The following CHD7 variants were observed in gnomAD, a reference collection of about 807,000 sequenced individuals.
CHD7 encodes the protein chromodomain helicase DNA binding protein 7.
CHD7 carries 24 observed loss-of-function variants against 307.3 expected under a neutral mutation model. The ratio of observed to expected loss-of-function variants is 0.08; its 90% confidence interval spans 0.06 to 0.11. The LOEUF (loss-of-function observed/expected upper bound fraction) is 0.11, where lower values mean the gene tolerates loss of function less well. Ranked by LOEUF, CHD7 falls within the 10% of genes least tolerant of loss-of-function variation. CHD7 has a pLI of 1.00. For missense variants in CHD7, 3,106 were observed against 3,727.1 expected (o/e 0.83, Z 4.34); for synonymous variants, 1,363 against 1,349.9 (o/e 1.01, Z -0.21).
chr8:60,757,828 CT>C (rs1439302942), intron 2 of CHD7, among the ~76,000 whole-genome samples: 5 of 152,200 alleles, frequency 3.3e-5, no homozygotes, highest in African/African-American at 1.2e-4. Flanking sequence ...AACACTTAAC[CT>C]TCCTGCTACT....
At chr8:60,756,945 G>A (rs1809926524) in intron 2 of CHD7, among the ~76,000 whole-genome samples, 1 of 152,036 alleles carries the variant, frequency 6.6e-6, no homozygotes, top group South Asian at 2.1e-4. Context: ...TTTTAAAAAG[G>A]GTCTAAAGTA....
At chr8:60,807,453 C>G (rs1205382845) in intron 6 of CHD7, among the ~76,000 whole-genome samples, 2 of 152,232 alleles carry the variant, frequency 1.3e-5, no homozygotes, top group African/African-American at 4.8e-5. Context: ...AAAATACCAT[C>G]TGAACATCAT....
chr8:60,761,100 C>G (rs538854506), intron 2 of CHD7, among the ~76,000 whole-genome samples: 1 of 151,772 alleles, frequency 6.6e-6, no homozygotes, highest in Non-Finnish European at 1.5e-5. Context: ...CCCAAATGTC[C>G]GACAATGATA....
chr8:60,692,825 T>C (rs552729723), intron 1 of CHD7, among the ~76,000 whole-genome samples: 8 of 152,184 alleles, frequency 5.3e-5, no homozygotes, highest in Non-Finnish European at 8.8e-5. Flanking sequence ...CAATATAGCC[T>C]GTTCTCAGGG....
intron 2 of CHD7, among the ~76,000 whole-genome samples, chr8:60,746,393 A>G (rs1444240496): frequency 6.6e-6 from 1 of 152,254 alleles, no homozygotes; most frequent in Admixed American, 6.5e-5. Context: ...ACTATCCTAT[A>G]CCTTTAAAAT....
intron 34 of CHD7, 79 bp from the exon 35 acceptor site, chr8:60,860,825 A>AT (rs750311934): frequency 1.1e-5 from 11 of 1,001,492 alleles, no homozygotes; most frequent in Non-Finnish European, 1.7e-5. Context: ...CCATTCTAGG[A>AT]TAGCGTTTTC....
At chr8:60,847,772 A>C (rs1563654546) in intron 23 of CHD7, among the ~76,000 whole-genome samples, 2 of 152,200 alleles carry the variant, frequency 1.3e-5, no homozygotes, top group African/African-American at 4.8e-5. Context: ...GGGTTTTAAA[A>C]AATCGATTTC....
chr8:60,771,603 TG>T (rs1169530861), intron 2 of CHD7, among the ~76,000 whole-genome samples: 7 of 152,252 alleles, frequency 4.6e-5, no homozygotes, highest in Non-Finnish European at 8.8e-5. Context: ...ATGGTTTAGC[TG>T]GGTCCTCTAC....
intron 8 of CHD7, among the ~76,000 whole-genome samples, chr8:60,817,911 C>G (rs1482553771): frequency 1.3e-5 from 2 of 152,182 alleles, no homozygotes; most frequent in Non-Finnish European, 2.9e-5. Flanking sequence ...GCTTTCCCCC[C>G]ATCCCTAAAT....
chr8:60,803,401 GTTT>G (rs1406181036), intron 6 of CHD7, among the ~76,000 whole-genome samples: 1 of 152,134 alleles, frequency 6.6e-6, no homozygotes, highest in African/African-American at 2.4e-5. Context: ...CCACTTTAGG[GTTT>G]TTGTCTTCTT....
rs1806193169 is a variant in CHD7, at chr8:60,865,331, C to T, written c.8392C>T (p.Leu2798=). 6.2e-7 allele frequency: 1 copy of T among 1,612,318 alleles called. No individual in the cohort carries two copies. Among genetic ancestry groups the T allele is most frequent in the Admixed American group, 1.7e-5 (1 of 59,772 alleles). The change falls in exon 38 of 38, where the codon CTG becomes TTG. Residue 2798 remains leucine, a synonymous_variant. Coordinates refer to ENST00000423902, the MANE Select transcript of CHD7 (RefSeq NM_017780.4). This position sits in a 1 kb window ranked among gnomAD's most constrained non-coding sequence, Gnocchi z 4.3. ...GAAGAACCCTGCTGCTGTGCTGCCC[C>T]TGATGCTGCCAGGAATGGCGGGCCT... ...DAKNPAAVLP[L]MLPGMAGLPN...
intron 1 of CHD7, among the ~76,000 whole-genome samples, chr8:60,711,810 G>A (rs1446483547): frequency 6.6e-6 from 1 of 152,230 alleles, no homozygotes; most frequent in Non-Finnish European, 1.5e-5. Flanking sequence ...TGTAGATTGA[G>A]ACGCTTTTGT....
At position 60,861,026 on chromosome 8, in the gene CHD7, G is replaced by A; in HGVS notation, c.7731G>A (p.Gly2577=). Residue 2577 remains glycine, a synonymous_variant, in exon 35 of 38, where the codon GGG becomes GGA. Transcript: ENST00000423902. ...TRIPVINLED[G]TRLVGEDAPK... is the part of the protein sequence containing the mutation. ...TCCCTGTTATCAATCTTGAAGATGG[G>A]ACTAGGCTGGTGGGGGAAGATGCTC... 6.2e-7 allele frequency: 1 copy of A among 1,614,010 alleles called. No individual in the cohort carries two copies. The highest frequency in any genetic ancestry group is 8.5e-7 in the Non-Finnish European group (1 of 1,179,890).
At position 60,741,246 on chromosome 8, in the gene CHD7, A is replaced by G. The variant is rs1808984813; in HGVS notation, c.-174-13A>G. On this transcript the variant is annotated splice_polypyrimidine_tract_variant and intron_variant, in intron 1 of 37. Coordinates refer to ENST00000423902, the MANE Select transcript of CHD7 (RefSeq NM_017780.4). ...TTCTTCCTTCTTCTCCCCCACCCCA[A>G]ACTCCCTTCCAGGACCTATATCCAG... 1.7e-6 allele frequency: 1 copy of G among 580,672 alleles called. No homozygotes were observed. The allele number at this position is 580,672 out of a possible 1,614,324, so 36.0% of individuals were successfully genotyped here.
At chr8:60,777,358 T>A (rs1810998863) in intron 2 of CHD7, among the ~76,000 whole-genome samples, 1 of 152,270 alleles carries the variant, frequency 6.6e-6, no homozygotes, top group African/African-American at 2.4e-5. Context: ...TTGCTCATGC[T>A]ATACTCAAAA....
chr8:60,689,268 A>G (rs190469464), intron 1 of CHD7, among the ~76,000 whole-genome samples: 1 of 152,362 alleles, frequency 6.6e-6, no homozygotes, highest in Admixed American at 6.5e-5. Flanking sequence ...TATCAATATC[A>G]AAAGTTTTAA....
At chr8:60,716,575 G>A (rs1563539157) in intron 1 of CHD7, among the ~76,000 whole-genome samples, 1 of 152,200 alleles carries the variant, frequency 6.6e-6, no homozygotes, top group Non-Finnish European at 1.5e-5. Context: ...CTGTGAGGCA[G>A]TCCCTTACCA....
At chr8:60,857,055 TA>T (rs1805750932) in intron 34 of CHD7, among the ~76,000 whole-genome samples, 167 bp downstream of exon 34, 1 of 152,252 alleles carries the variant, frequency 6.6e-6, no homozygotes, top group Non-Finnish European at 1.5e-5. Context: ...TGATCATTGA[TA>T]CAGATCACTT....
intron 1 of CHD7, among the ~76,000 whole-genome samples, chr8:60,701,146 A>T (rs1219250343): frequency 6.6e-6 from 1 of 152,256 alleles, no homozygotes. Context: ...AAAAAGATTC[A>T]CAACTGATAC....
Sources: allele counts gnomAD v4.1 joint callset (sites outside exome capture counted in the v4.1 genomes callset), GRCh38; gene constraint gnomAD v4.1.1; non-coding constraint Gnocchi (gnomAD v3.1); transcripts MANE v1.5; gene names NCBI Gene and HGNC (gene_info 2026-07-23, HGNC 2026-07-21).